FKTN: variants seen among roughly 807,000 people sequenced by gnomAD.
The protein encoded by FKTN is fukutin.
FKTN carries 47 observed loss-of-function variants against 58.6 expected under a neutral mutation model. That is an observed-to-expected ratio of 0.80 (90% CI 0.63 to 1.02). FKTN has a LOEUF of 1.02. FKTN is among the 50% of genes least tolerant of loss of function. The pLI is 0.00. For missense variants in FKTN, 516 were observed against 537.3 expected (o/e 0.96, Z 0.39); for synonymous variants, 178 against 191.9 (o/e 0.93, Z 0.60).
At chr9:105,575,760 A>C (rs185901495) in intron 3 of FKTN, among the ~76,000 whole-genome samples, 5 of 151,978 alleles carry the variant, frequency 3.3e-5, no homozygotes, top group Non-Finnish European at 7.4e-5. Context: ...AAGAAAAAAA[A>C]TTTTTTTTGT....
chr9:105,588,463 A>G (rs967507401), intron 3 of FKTN, among the ~76,000 whole-genome samples: 1 of 152,244 alleles, frequency 6.6e-6, no homozygotes, highest in African/African-American at 2.4e-5. Flanking sequence ...AAGCACAGTA[A>G]TAGGCTATGA....
Position 105,637,393 on chromosome 9 carries a change from G to A in FKTN, c.*2129G>A. ...TTCTTCCCTACATAGACCACTGGCT[G>A]CTGAAATACTTTTCTTGTCTTCTGG... On this transcript the variant is annotated 3_prime_UTR_variant, in exon 11 of 11. Coordinates refer to ENST00000357998, the MANE Select transcript of FKTN (RefSeq NM_001079802.2). The A allele has an allele frequency of 1.0e-6, 1 of 985,390 alleles. No individual in the cohort carries two copies. The highest frequency in any genetic ancestry group is 1.2e-6 in the Non-Finnish European group (1 of 829,924). The allele number at this position is 985,390 out of a possible 1,614,324, so 61.0% of individuals were successfully genotyped here.
At position 105,575,205 on chromosome 9, in the gene FKTN, T is replaced by C. The variant is rs1030766933; in HGVS notation, c.105+68T>C. On this transcript the variant is annotated intron_variant, in intron 3 of 10. Coordinates refer to ENST00000357998, the MANE Select transcript of FKTN (RefSeq NM_001079802.2). ...ATTGTATATTTTCTGATCACACTTC[T>C]CTTTGCAATACATAATATTAATCAT... 3.3e-5 allele frequency: 30 copies of C among 905,084 alleles called. 1 individual carries two copies. Among genetic ancestry groups the C allele is most frequent in the Non-Finnish European group, 5.2e-5 (28 of 536,850 alleles). 56.1% of individuals were successfully genotyped at this position (905,084 alleles called of 1,614,324 possible). A position where few individuals can be genotyped will look rare whatever the true frequency, so the allele number is the denominator to read the frequency against.
chr9:105,566,717 C>A (rs1395674031), intron 1 of FKTN, among the ~76,000 whole-genome samples: 2 of 152,190 alleles, frequency 1.3e-5, no homozygotes, highest in Admixed American at 1.3e-4. Context: ...ACCAGAGGTA[C>A]AAGGAGGAGC....
intron 1 of FKTN, among the ~76,000 whole-genome samples, chr9:105,571,952 A>G (rs1840805024): frequency 6.6e-6 from 1 of 152,170 alleles, no homozygotes. Flanking sequence ...AGTGTAATCC[A>G]AATATTCTGG....
chr9:105,596,744 A>G lies in FKTN; in HGVS notation c.165+87A>G. On this transcript the variant is annotated intron_variant, in intron 4 of 10. Transcript: ENST00000357998. ...CGTAAGTATTTGTTGAATGATGGCA[A>G]TAATAATAGCTACCTTGTGTGGTGG... 3 of 1,003,106 alleles carry G rather than the reference A, an allele frequency of 3.0e-6. No homozygotes were observed. In the South Asian group the frequency reaches 3.9e-5, roughly 13 times the overall value. 62.1% of individuals were successfully genotyped at this position (1,003,106 alleles called of 1,614,324 possible).
chr9:105,568,417 ATC>A (rs1442419426), intron 1 of FKTN, among the ~76,000 whole-genome samples: 2 of 152,210 alleles, frequency 1.3e-5, no homozygotes, highest in Non-Finnish European at 2.9e-5. Context: ...AATACCCAGA[ATC>A]TACAAAGAAC....
At chr9:105,611,170 G>A (rs1235131337) in intron 7 of FKTN, among the ~76,000 whole-genome samples, 17 of 152,074 alleles carry the variant, frequency 1.1e-4, no homozygotes, top group Admixed American at 1.1e-3. Flanking sequence ...CTTATTCTTT[G>A]ATATAAGGTT....
chr9:105,598,437 G>A, intron 4 of FKTN: 1 of 156,588 alleles, frequency 6.4e-6, no homozygotes, highest in Non-Finnish European at 1.4e-5. Context: ...TCATAATTAG[G>A]AACTAGGCTT....
At chr9:105,603,287 C>G (rs1487154407) in intron 5 of FKTN, among the ~76,000 whole-genome samples, 1 of 152,132 alleles carries the variant, frequency 6.6e-6, no homozygotes, top group Non-Finnish European at 1.5e-5. Flanking sequence ...ATTGGCTACC[C>G]TCCCCCTCAG....
intron 3 of FKTN, 94 bp from the exon 4 acceptor site, chr9:105,596,504 A>G (rs1826827703): frequency 2.5e-6 from 2 of 794,788 alleles, no homozygotes; most frequent in Non-Finnish European, 4.5e-6. Flanking sequence ...AATGATTATA[A>G]GCTAATTATA....
chr9:105,609,769 CTGGGCACT>C (rs1829577141), intron 7 of FKTN, among the ~76,000 whole-genome samples: 3 of 152,164 alleles, frequency 2.0e-5, no homozygotes, highest in Admixed American at 2.0e-4. Flanking sequence ...TTACATCTCA[CTGGGCACT>C]GCATAATTTT....
chr9:105,599,780 A>C (rs1827535691), intron 4 of FKTN, among the ~76,000 whole-genome samples: 1 of 152,182 alleles, frequency 6.6e-6, no homozygotes, highest in Non-Finnish European at 1.5e-5. Context: ...CTGGGATTAC[A>C]GGCGTGAGAA....
intron 4 of FKTN, 83 bp downstream of exon 4, chr9:105,596,740 G>T: frequency 9.6e-7 from 1 of 1,039,020 alleles, no homozygotes; most frequent in South Asian, 1.3e-5. Context: ...GTTGAATGAT[G>T]GCAATAATAA....
At chr9:105,607,545 A>G (rs1248134523) in intron 6 of FKTN, among the ~76,000 whole-genome samples, 1 of 151,976 alleles carries the variant, frequency 6.6e-6, no homozygotes, top group Non-Finnish European at 1.5e-5. Context: ...CTAATGTTTG[A>G]TATTTGTAAG....
chr9:105,617,107 A>G (rs80304962), intron 8 of FKTN, among the ~76,000 whole-genome samples: 2,486 of 152,304 alleles, frequency 0.016, 92 homozygotes, highest in African/African-American at 0.057. Context: ...TTAATTGTTT[A>G]TAATTCTTTA....
chr9:105,582,937 C>G (rs1339591498), intron 3 of FKTN, among the ~76,000 whole-genome samples: 2 of 152,170 alleles, frequency 1.3e-5, no homozygotes, highest in Non-Finnish European at 2.9e-5. Context: ...ATCTATAAGT[C>G]TAGAGCCTCT....
chr9:105,583,002 T>C (rs1843292795), intron 3 of FKTN, among the ~76,000 whole-genome samples: 1 of 152,244 alleles, frequency 6.6e-6, no homozygotes. Flanking sequence ...AATAATAGTG[T>C]GATCTAGCAG....
At chr9:105,581,639 C>T (rs1344063657) in intron 3 of FKTN, among the ~76,000 whole-genome samples, 1 of 152,162 alleles carries the variant, frequency 6.6e-6, no homozygotes, top group Non-Finnish European at 1.5e-5. Flanking sequence ...TGCCCTGCCC[C>T]CAGAGGTGGA....
Sources: gnomAD v4.1 joint callset for allele counts (sites outside exome capture counted in the v4.1 genomes callset) on GRCh38, gnomAD v4.1.1 for gene constraint, MANE v1.5 for transcripts, NCBI Gene and HGNC (gene_info 2026-07-23, HGNC 2026-07-21) for gene names.